Variants in CNTN4 observed in about 807,000 individuals in gnomAD.
CNTN4 encodes the protein contactin 4.
CNTN4 carries 77 observed loss-of-function variants against 122.5 expected under a neutral mutation model. The ratio of observed to expected loss-of-function variants is 0.63; its 90% confidence interval spans 0.52 to 0.76. CNTN4 has a LOEUF of 0.76. CNTN4 is among the 30% of genes least tolerant of loss of function. CNTN4 has a pLI of 0.00. For missense variants in CNTN4, 1,256 were observed against 1,259.1 expected, an observed-to-expected ratio of 1.00 and a Z score of 0.04; for synonymous variants, 512 against 447.0, an observed-to-expected ratio of 1.15 and a Z score of -1.83.
intron 3 of CNTN4, among the ~76,000 whole-genome samples, chr3:2,435,290 A>G (rs1340088379): frequency 1.3e-5 from 2 of 152,194 alleles, no homozygotes; most frequent in Non-Finnish European, 2.9e-5. Flanking sequence ...CAAGTCCCTT[A>G]TATAAAATGG....
rs375836565 is a variant in CNTN4, at chr3:2,238,422, GAAT to G, written c.-144-100751_-144-100749del. Among the ~76,000 whole-genome samples the G allele has an allele frequency of 7.6e-4, 116 of 151,850 alleles. 2 individuals are homozygous for G. In the East Asian group the frequency reaches 0.019, roughly 24 times the overall value. ...TCCAAAATTTATTTGCCAATAAAAT[GAAT>G]AATAGAAAATTTTTAATCATAAAAT... On this transcript the variant is annotated intron_variant, in intron 2 of 24. Coordinates refer to ENST00000418658, the MANE Select transcript of CNTN4 (RefSeq NM_175607.3).
At position 3,043,712 on chromosome 3, in the gene CNTN4, A is replaced by G. The variant is rs755552512; in HGVS notation, c.2811+8A>G. 9.4e-6 allele frequency: 15 copies of G among 1,595,486 alleles called. No homozygotes were observed. In the South Asian group the frequency reaches 1.7e-4, roughly 18 times the overall value. On this transcript the variant is annotated splice_region_variant and intron_variant, in intron 23 of 24. Transcript: ENST00000418658. ...GAAGTAAAAGGATACAAAGTAGGTA[A>G]TTTCTTTTTTGCAAAGGCACCTAAT...
chr3:2,298,666 T>G (rs1309705900), intron 2 of CNTN4, among the ~76,000 whole-genome samples: 1 of 152,142 alleles, frequency 6.6e-6, no homozygotes, highest in African/African-American at 2.4e-5. Context: ...ATAGCTACAT[T>G]TCAACCAAAA....
At chr3:2,599,260 G>A (rs1255958030) in intron 4 of CNTN4, among the ~76,000 whole-genome samples, 1 of 152,164 alleles carries the variant, frequency 6.6e-6, no homozygotes, top group Non-Finnish European at 1.5e-5. Flanking sequence ...TTTTAAGGAT[G>A]ATGAAACTGA....
At chr3:3,006,300 T>C (rs529371933) in intron 14 of CNTN4, among the ~76,000 whole-genome samples, 7 of 152,210 alleles carry the variant, frequency 4.6e-5, no homozygotes, top group Non-Finnish European at 1.0e-4. Flanking sequence ...CGTATACTCA[T>C]AGTCTTTGAC....
At chr3:2,413,714 T>C (rs1160012846) in intron 3 of CNTN4, among the ~76,000 whole-genome samples, 1 of 152,110 alleles carries the variant, frequency 6.6e-6, no homozygotes, top group Non-Finnish European at 1.5e-5. Flanking sequence ...CAGCTAATTT[T>C]TGTATTTTTA....
Position 3,009,149 on chromosome 3 carries a change from G to C in CNTN4, c.1487-16953G>C, listed in dbSNP as rs1302096657. On this transcript the variant is annotated intron_variant, in intron 14 of 24. Coordinates refer to ENST00000418658, the MANE Select transcript of CNTN4 (RefSeq NM_175607.3). ...AGTAGGGGCCAATGTTAGACTATAA[G>C]AGTTGACTAGGATTGATTGCCATAA... 6.1e-6 allele frequency: 3 copies of C among 491,554 alleles called. No homozygotes were observed. In the East Asian group the frequency reaches 4.6e-4, roughly 75 times the overall value. The allele number at this position is 491,554 out of a possible 1,614,324, so 30.4% of individuals were successfully genotyped here.
At chr3:2,134,129 A>G (rs1331627222) in intron 2 of CNTN4, among the ~76,000 whole-genome samples, 1 of 152,252 alleles carries the variant, frequency 6.6e-6, no homozygotes, top group Non-Finnish European at 1.5e-5. Flanking sequence ...ATTAAGAGGT[A>G]AATGACTTGC....
At chr3:2,691,612 C>G (rs1559392548) in intron 4 of CNTN4, among the ~76,000 whole-genome samples, 1 of 152,154 alleles carries the variant, frequency 6.6e-6, no homozygotes, top group Admixed American at 6.6e-5. Context: ...CTAGTCCTTG[C>G]ACAATAATAT....
chr3:2,354,307 G>C (rs945685779), intron 3 of CNTN4, among the ~76,000 whole-genome samples: 3 of 152,182 alleles, frequency 2.0e-5, no homozygotes, highest in African/African-American at 4.8e-5. Flanking sequence ...GAGGCAGGCG[G>C]ATCACCTGAG....
rs182363809 is a variant in CNTN4 at position 2,570,277 on chromosome 3, A to G, written c.-88-1139A>G. ...CAGCCTCGAACTCCTGGGTTGAAGCAATCCTCCTGTCTTAGCCTCCTGAGT... is the reference window on the plus strand; with the variant it reads ...CAGCCTCGAACTCCTGGGTTGAAGCGATCCTCCTGTCTTAGCCTCCTGAGT... On this transcript the variant is annotated intron_variant, in intron 3 of 24. Transcript: ENST00000418658. 5.9e-3 allele frequency among the ~76,000 whole-genome samples: 895 copies of G among 151,804 alleles called. 12 individuals carry two copies. Among genetic ancestry groups the G allele is most frequent in the African/African-American group, 0.021 (854 of 41,390 alleles).
At chr3:2,521,258 T>C (rs376809579) in intron 3 of CNTN4, among the ~76,000 whole-genome samples, 59 of 152,006 alleles carry the variant, frequency 3.9e-4, no homozygotes, top group African/African-American at 1.3e-3. Context: ...TGTTTGAAGA[T>C]AGGATTTTGT....
At chr3:2,983,107 G>C (rs560688730) in intron 13 of CNTN4, among the ~76,000 whole-genome samples, 1 of 150,684 alleles carries the variant, frequency 6.6e-6, no homozygotes, top group South Asian at 2.1e-4. Context: ...CCAGCTACTC[G>C]GGAGGCTGAG....
intron 3 of CNTN4, among the ~76,000 whole-genome samples, chr3:2,367,745 A>AGT (rs2045452809): frequency 6.6e-6 from 1 of 152,164 alleles, no homozygotes; most frequent in Non-Finnish European, 1.5e-5. Context: ...TGGGCCTCCC[A>AGT]AAGTGCTGGG....
intron 3 of CNTN4, among the ~76,000 whole-genome samples, chr3:2,570,188 C>A (rs1380361824): frequency 6.7e-6 from 1 of 149,842 alleles, no homozygotes; most frequent in Non-Finnish European, 1.5e-5. Context: ...TTTTTTTTTT[C>A]TCTGAGACAG....
chr3:2,629,618 A>T (rs2082342392), intron 4 of CNTN4: 1 of 436,556 alleles, frequency 2.3e-6, no homozygotes, highest in Non-Finnish European at 4.5e-6. Flanking sequence ...AGCCTAAGTT[A>T]CAGCACCAGC....
At chr3:2,721,628 A>G (rs2149397899) in intron 4 of CNTN4, among the ~76,000 whole-genome samples, 1 of 152,244 alleles carries the variant, frequency 6.6e-6, no homozygotes, top group East Asian at 1.9e-4. Flanking sequence ...TGTTTGTTGC[A>G]AACACACTAA....
Position 2,251,382 on chromosome 3 carries a change from C to G in CNTN4, c.-144-87796C>G, listed in dbSNP as rs539974714. On this transcript the variant is annotated intron_variant, in intron 2 of 24. Transcript: ENST00000418658. ...CTTAGAGCTGTTTTCTTCAATTATT[C>G]TAATTTTTGTGTTCTCATTTTGGTT... 4.6e-5 allele frequency among the ~76,000 whole-genome samples: 7 copies of G among 151,970 alleles called. No individual in the cohort carries two copies. In the East Asian group the frequency reaches 1.4e-3, roughly 29 times the overall value.
chr3:2,139,474 G>A (rs1357182862), intron 2 of CNTN4, among the ~76,000 whole-genome samples: 2 of 152,112 alleles, frequency 1.3e-5, no homozygotes, highest in African/African-American at 4.8e-5. Context: ...TGATTTTCAT[G>A]ACGCACATTT....
Sources: allele counts gnomAD v4.1 joint callset (sites outside exome capture counted in the v4.1 genomes callset), GRCh38; gene constraint gnomAD v4.1.1; transcripts MANE v1.5; gene names NCBI Gene and HGNC (gene_info 2026-07-23, HGNC 2026-07-21).